DTL: variants seen among roughly 807,000 people sequenced by gnomAD.
The protein encoded by DTL is denticleless protein homolog.
In DTL, 46 loss-of-function variants were observed where a neutral mutation model predicts 87.0. That is an observed-to-expected ratio of 0.53 (90% CI 0.42 to 0.68). The LOEUF is 0.68. DTL is among the 30% of genes least tolerant of loss of function. The probability of loss-of-function intolerance (pLI) is 0.00; values close to 1 mark genes in which losing one functional copy is unlikely to be tolerated. For synonymous variants in DTL, 308 were observed against 311.2 expected, an observed-to-expected ratio of 0.99 and a Z score of 0.11; for missense variants, 737 against 869.4, an observed-to-expected ratio of 0.85 and a Z score of 1.91.
intron 6 of DTL, among the ~76,000 whole-genome samples, chr1:212,063,657 C>T (rs542402841): frequency 6.6e-6 from 1 of 152,096 alleles, no homozygotes; most frequent in South Asian, 2.1e-4. Flanking sequence ...ATTAAGCAGA[C>T]GATGATTATC....
At chr1:212,043,167 C>T (rs757497885) in intron 2 of DTL, 49 bp downstream of exon 2, 2 of 1,564,370 alleles carry the variant, frequency 1.3e-6, no homozygotes, top group Non-Finnish European at 8.7e-7. Flanking sequence ...TGATCTATTT[C>T]ACACTTATAG....
At chr1:212,050,934 C>T (rs530047842) in intron 5 of DTL, among the ~76,000 whole-genome samples, 3 of 151,998 alleles carry the variant, frequency 2.0e-5, no homozygotes, top group Non-Finnish European at 4.4e-5. Flanking sequence ...TAATATGTTA[C>T]ACTTTTGGTC....
chr1:212,099,873 T>C (rs1290044181), intron 13 of DTL, among the ~76,000 whole-genome samples: 4 of 152,222 alleles, frequency 2.6e-5, no homozygotes, highest in Non-Finnish European at 4.4e-5. Context: ...CTGCCTCCTA[T>C]CTGCCACTTT....
At chr1:212,062,694 C>T (rs973506426) in intron 5 of DTL, among the ~76,000 whole-genome samples, 190 bp from the exon 6 acceptor site, 12 of 152,164 alleles carry the variant, frequency 7.9e-5, no homozygotes, top group African/African-American at 2.2e-4. Flanking sequence ...TTTGGTTCAA[C>T]ATTAGCATCT....
chr1:212,052,255 C>A (rs1456968662), intron 5 of DTL, among the ~76,000 whole-genome samples: 1 of 152,164 alleles, frequency 6.6e-6, no homozygotes, highest in Non-Finnish European at 1.5e-5. Flanking sequence ...TGGTTCCCTT[C>A]ACAGTTTTCC....
At chr1:212,041,172 A>G (rs1667630073) in intron 1 of DTL, among the ~76,000 whole-genome samples, 1 of 152,212 alleles carries the variant, frequency 6.6e-6, no homozygotes, top group Admixed American at 6.5e-5. Context: ...GTGGTTCATC[A>G]GTGAAGTGTG....
rs114671787 is a variant in DTL, at chr1:212,102,892, A to G, written c.2145A>G (p.Arg715=). 1,025 of 1,612,958 alleles carry G rather than the reference A, an allele frequency of 6.4e-4. 6 individuals carry two copies. The African/African-American group carries it at 0.012, about 19-fold the overall frequency. Residue 715 remains arginine (R), a synonymous_variant, in exon 15 of 15, where the codon AGA becomes AGG. Transcript: ENST00000366991. ...GGAAAATCTGCACATACTTCCATAG[A>G]AAGTCCCAGGAGGACTTCTGTGGTC... ...SMRKICTYFH[R]KSQEDFCGPE... is the part of the protein sequence containing the mutation.
Position 212,100,861 on chromosome 1 carries a change from C to T in DTL, c.1871C>T (p.Pro624Leu). 1 of 1,614,180 alleles carries T rather than the reference C, an allele frequency of 6.2e-7. No individual in the cohort carries two copies. The highest frequency in any genetic ancestry group is 1.1e-5 in the South Asian group (1 of 91,092). The change falls in exon 14 of 15, where the codon CCT becomes CTT. Residue 624 changes from proline (P) to leucine (L), a missense_variant. Transcript: ENST00000366991. ...AGTSISEPPS[P>L]ISPYASESCG... is the part of the protein sequence containing the mutation. ...ACCAGTATCTCAGAGCCTCCGTCTC[C>T]TATCAGTCCGTATGCTTCAGAAAGC...
intron 7 of DTL, among the ~76,000 whole-genome samples, chr1:212,065,818 G>A (rs1056437341): frequency 6.6e-6 from 1 of 152,132 alleles, no homozygotes; most frequent in Non-Finnish European, 1.5e-5. Context: ...CCATTCTCCT[G>A]CCTCAGCCTC....
chr1:212,044,898 GA>G lies in DTL; in HGVS notation c.277+145del, dbSNP rs550954975. 1,053 of 592,304 alleles carry G rather than the reference GA, an allele frequency of 1.8e-3. 11 individuals carry two copies. In the African/African-American group the frequency reaches 0.018, roughly 10 times the overall value. The allele number at this position is 592,304 out of a possible 1,614,324, so 36.7% of individuals were successfully genotyped here. ...TAACTGAGACTGGGTAGTTTATATA[GA>G]AAAAGTTTACTTGGTGTGTGATTCT... On this transcript the variant is annotated intron_variant, in intron 3 of 14. Coordinates refer to ENST00000366991, the MANE Select transcript of DTL (RefSeq NM_016448.4).
At position 212,100,130 on chromosome 1, in the gene DTL, T is replaced by A. The variant is rs185342710; in HGVS notation, c.1262-122T>A. On this transcript the variant is annotated intron_variant, in intron 13 of 14. Transcript: ENST00000366991. ...GGTGTGGTTGGAATCAAGTGATGTA[T>A]ACCTACTTACTGGCAAATTGACCCT... The A allele has an allele frequency of 1.2e-5, 8 of 665,518 alleles. No individual in the cohort carries two copies. In the East Asian group the frequency reaches 2.2e-4, roughly 19 times the overall value. The allele number at this position is 665,518 out of a possible 1,614,324, so 41.2% of individuals were successfully genotyped here.
chr1:212,068,745 T>A, intron 10 of DTL, 42 bp downstream of exon 10: 1 of 1,301,810 alleles, frequency 7.7e-7, no homozygotes, highest in East Asian at 2.3e-5. Flanking sequence ...AGGAAAGCAT[T>A]ATGGGCTTTT....
chr1:212,092,365 C>T (rs1412880789), intron 13 of DTL, among the ~76,000 whole-genome samples: 2 of 152,210 alleles, frequency 1.3e-5, no homozygotes, highest in East Asian at 3.9e-4. Flanking sequence ...TAAAACCCCC[C>T]TCTACTAAAA....
intron 5 of DTL, among the ~76,000 whole-genome samples, chr1:212,050,273 C>T (rs962367093): frequency 6.6e-6 from 1 of 152,062 alleles, no homozygotes; most frequent in Non-Finnish European, 1.5e-5. Context: ...TGGTAGAAAA[C>T]ATCTTTGGTC....
chr1:212,061,671 A>T (rs927177357), intron 5 of DTL, among the ~76,000 whole-genome samples: 14 of 152,234 alleles, frequency 9.2e-5, no homozygotes, highest in Admixed American at 4.6e-4. Context: ...TAGAGTTTTT[A>T]AAAATGTAGT....
chr1:212,084,492 A>G (rs1655074330), intron 13 of DTL, among the ~76,000 whole-genome samples: 1 of 151,740 alleles, frequency 6.6e-6, no homozygotes, highest in Non-Finnish European at 1.5e-5. Flanking sequence ...AGCCCTAAAA[A>G]TTTTTTTTCA....
At chr1:212,058,825 TTAAA>T (rs775272207) in intron 5 of DTL, among the ~76,000 whole-genome samples, 24 of 151,798 alleles carry the variant, frequency 1.6e-4, no homozygotes, top group African/African-American at 5.6e-4. Flanking sequence ...AAAGATGGTC[TTAAA>T]TAAAATCAGA....
At chr1:212,087,956 G>A (rs1045498771) in intron 13 of DTL, among the ~76,000 whole-genome samples, 20 of 151,664 alleles carry the variant, frequency 1.3e-4, no homozygotes, top group African/African-American at 4.4e-4. Flanking sequence ...TTTCCCAGCC[G>A]GCACCTGCTT....
intron 5 of DTL, among the ~76,000 whole-genome samples, chr1:212,054,724 G>A (rs1201253877): frequency 6.9e-6 from 1 of 144,894 alleles, no homozygotes; most frequent in Non-Finnish European, 1.5e-5. Context: ...GAACCTGGGA[G>A]ACAGAGGTTG....
Sources: gnomAD v4.1 joint callset for allele counts (sites outside exome capture counted in the v4.1 genomes callset) on GRCh38, gnomAD v4.1.1 for gene constraint, MANE v1.5 for transcripts, NCBI Gene and HGNC (gene_info 2026-07-23, HGNC 2026-07-21) for gene names.